ENAH: variants seen among roughly 807,000 people sequenced by gnomAD.
ENAH encodes the protein ENAH actin regulator, also known as protein enabled homolog.
In ENAH, 23 loss-of-function variants were observed where a neutral mutation model predicts 78.7. The observed-to-expected ratio is 0.29, with a 90% confidence interval of 0.21 to 0.41. The LOEUF (loss-of-function observed/expected upper bound fraction) is 0.41. ENAH is among the 10% of genes least tolerant of loss of function. The pLI, the probability that ENAH is intolerant of heterozygous loss-of-function variation, is 1.00. For synonymous variants in ENAH, 226 were observed against 241.0 expected (o/e 0.94, Z 0.58); for missense variants, 544 against 691.0 (o/e 0.79, Z 2.39).
At chr1:225,591,449 CAA>C (rs1043820348) in intron 1 of ENAH, among the ~76,000 whole-genome samples, 4 of 145,098 alleles carry the variant, frequency 2.8e-5, no homozygotes, top group Non-Finnish European at 6.0e-5. Context: ...GCCTGGGCGA[CAA>C]GAGCGAAACT....
chr1:225,529,021 T>A (rs189937041), intron 4 of ENAH, among the ~76,000 whole-genome samples: 2 of 152,294 alleles, frequency 1.3e-5, no homozygotes. Flanking sequence ...CCTAGTTCAC[T>A]GCAACAGCCT....
intron 3 of ENAH, among the ~76,000 whole-genome samples, chr1:225,550,195 C>A (rs956269158): frequency 2.0e-5 from 3 of 152,112 alleles, no homozygotes; most frequent in African/African-American, 7.2e-5. Flanking sequence ...ACTGATGAGC[C>A]CTCCCCATTC....
chr1:225,501,328 A>C lies in ENAH; in HGVS notation c.1539-258T>G, dbSNP rs568412791. The stretch of plus-strand genomic sequence containing the variant: ...TGAGACTTCTTCAGAAAAGAGTAGA[A>C]GACAGTATTCTTTGGGCATGAGGTA... On this transcript the variant is annotated intron_variant, in intron 11 of 13. Transcript: ENST00000366843. The C allele has an allele frequency of 2.3e-5, 9 of 385,262 alleles. No homozygotes were observed. In the South Asian group the frequency reaches 6.2e-4, roughly 26 times the overall value. The allele number at this position is 385,262 out of a possible 1,614,324, so 23.9% of individuals were successfully genotyped here.
chr1:225,520,914 AAGGGAGGAAGGGAGGGAGGGAGGGAGGG>A (rs1185479529), intron 4 of ENAH, among the ~76,000 whole-genome samples: 16 of 91,012 alleles, frequency 1.8e-4, no homozygotes, highest in South Asian at 9.8e-4. Flanking sequence ...GAAGGGAAGG[AAGGGAGGAAGGGAGGGAGGGAGGGAGGG>A]AGGGAGGGAG....
At chr1:225,619,078 C>T (rs1439185087) in intron 1 of ENAH, among the ~76,000 whole-genome samples, 5 of 152,098 alleles carry the variant, frequency 3.3e-5, no homozygotes, top group Admixed American at 3.3e-4. Context: ...AAATACACTG[C>T]ATATACAACC....
At chr1:225,613,462 A>G (rs888862992) in intron 1 of ENAH, among the ~76,000 whole-genome samples, 1 of 152,218 alleles carries the variant, frequency 6.6e-6, no homozygotes, top group Non-Finnish European at 1.5e-5. Flanking sequence ...TGAAGATAAT[A>G]AATATTTGTT....
intron 1 of ENAH, among the ~76,000 whole-genome samples, chr1:225,613,983 C>G (rs2097008595): frequency 1.3e-5 from 2 of 152,140 alleles, no homozygotes; most frequent in South Asian, 4.1e-4. Flanking sequence ...CATAAGCTCT[C>G]CCCAGAGTTT....
At chr1:225,638,972 C>A (rs574123943) in intron 1 of ENAH, among the ~76,000 whole-genome samples, 1 of 152,294 alleles carries the variant, frequency 6.6e-6, no homozygotes, top group Admixed American at 6.5e-5. Flanking sequence ...CATTAAACAT[C>A]CCTCCCAAAG....
At chr1:225,598,826 CTACTATAATAA>C (rs1185663994) in intron 1 of ENAH, among the ~76,000 whole-genome samples, 2 of 150,970 alleles carry the variant, frequency 1.3e-5, no homozygotes, top group Non-Finnish European at 2.9e-5. Flanking sequence ...CCATTTAAAA[CTACTATAATAA>C]TATTTGATTC....
intron 1 of ENAH, among the ~76,000 whole-genome samples, chr1:225,602,563 A>G (rs1011666266): frequency 6.6e-6 from 1 of 152,166 alleles, no homozygotes; most frequent in African/African-American, 2.4e-5. Context: ...CCTACTTAAT[A>G]ATTTTTTTAA....
At chr1:225,574,369 G>A (rs561698159) in intron 1 of ENAH, among the ~76,000 whole-genome samples, 1 of 152,270 alleles carries the variant, frequency 6.6e-6, no homozygotes, top group Admixed American at 6.5e-5. Flanking sequence ...GAGAGGCTGA[G>A]GTGAGTGGAT....
At chr1:225,606,954 G>A (rs1419512559) in intron 1 of ENAH, among the ~76,000 whole-genome samples, 1 of 151,632 alleles carries the variant, frequency 6.6e-6, no homozygotes, top group African/African-American at 2.4e-5. Context: ...CCAAGGTCCT[G>A]AATAATGCAG....
At chr1:225,506,479 C>T (rs115817999) in intron 11 of ENAH, among the ~76,000 whole-genome samples, 404 of 152,292 alleles carry the variant, frequency 2.7e-3, no homozygotes, top group African/African-American at 9.1e-3. Context: ...TGAGCCACCA[C>T]GCCTAGCCAG....
At chr1:225,517,444 G>A (rs2096429979) in intron 5 of ENAH, 138 bp from the exon 6 acceptor site, 1 of 1,551,732 alleles carries the variant, frequency 6.4e-7, no homozygotes, top group Admixed American at 2.0e-5. Flanking sequence ...CGGAGGAGCT[G>A]CTGGCCCTGA....
At chr1:225,560,228 C>T (rs970476640) in intron 2 of ENAH, among the ~76,000 whole-genome samples, 1 of 151,644 alleles carries the variant, frequency 6.6e-6, no homozygotes, top group Non-Finnish European at 1.5e-5. Context: ...CTGGAGGTAG[C>T]TCATGGTAAT....
At chr1:225,529,608 C>A (rs1372127337) in intron 4 of ENAH, among the ~76,000 whole-genome samples, 3 of 152,096 alleles carry the variant, frequency 2.0e-5, no homozygotes, top group African/African-American at 7.2e-5. Context: ...TTTGTTCCCT[C>A]CACTCTCCCC....
At chr1:225,615,539 G>A (rs963970818) in intron 1 of ENAH, among the ~76,000 whole-genome samples, 7 of 150,826 alleles carry the variant, frequency 4.6e-5, no homozygotes, top group African/African-American at 1.7e-4. Flanking sequence ...CTTCCCGGCC[G>A]CCCAGTCTGG....
rs1304238072 is a variant in ENAH at position 225,514,738 on chromosome 1, T to C, written c.1076A>G (p.Gln359Arg). Reference sequence around the variant, plus strand: ...AGGTGGTGGAGGAGGAGGGGGTACTTGATTAGGGAGAGGAGGGGGAGGAGG... The same window carrying C: ...AGGTGGTGGAGGAGGAGGGGGTACTCGATTAGGGAGAGGAGGGGGAGGAGG... The part of the protein sequence containing the change: ...PPPPPPPLPN[Q>R]VPPPPPPPPA... Residue 359 changes from glutamine (Q) to arginine (R), a missense_variant, in exon 7 of 14, where the codon CAA becomes CGA. By Grantham distance (43) the Gln-to-Arg change is conservative. Transcript: ENST00000366843. 5.1e-6 allele frequency: 5 copies of C among 975,224 alleles called. No individual in the cohort carries two copies. Among genetic ancestry groups the C allele is most frequent in the Non-Finnish European group, 7.1e-6 (5 of 706,032 alleles). The allele number at this position is 975,224 out of a possible 1,614,324, so 60.4% of individuals were successfully genotyped here. A position where few individuals can be genotyped will look rare whatever the true frequency, so the allele number is the denominator to read the frequency against.
chr1:225,519,152 T>C (rs780271545), intron 5 of ENAH, 46 bp downstream of exon 5: 2 of 1,594,876 alleles, frequency 1.3e-6, no homozygotes, highest in Non-Finnish European at 1.7e-6. Flanking sequence ...AGAGACATCA[T>C]CCAAGCTCAG....
Sources: gnomAD v4.1 joint callset for allele counts (sites outside exome capture counted in the v4.1 genomes callset) on GRCh38, gnomAD v4.1.1 for gene constraint, MANE v1.5 for transcripts, NCBI Gene and HGNC (gene_info 2026-07-23, HGNC 2026-07-21) for gene names.